IL22RA2: variants seen among roughly 807,000 people sequenced by gnomAD.
The protein encoded by IL22RA2 is interleukin 22 receptor subunit alpha 2.
Under a neutral mutation model 30.7 loss-of-function variants are expected in IL22RA2, and 39 were observed. That is an observed-to-expected ratio of 1.27 (90% CI 0.98 to 1.66). The LOEUF (loss-of-function observed/expected upper bound fraction) is 1.66. IL22RA2 is among the 40% of genes most tolerant of loss of function. The probability of loss-of-function intolerance (pLI) is 0.00; values close to 1 mark genes in which losing one functional copy is unlikely to be tolerated. For synonymous variants in IL22RA2, 103 were observed against 105.0 expected (o/e 0.98, Z 0.11); for missense variants, 315 against 312.7 (o/e 1.01, Z -0.05).
intron 3 of IL22RA2, among the ~76,000 whole-genome samples, chr6:137,157,158 G>T (rs1404956913): frequency 3.9e-5 from 6 of 152,248 alleles, no homozygotes; most frequent in Admixed American, 2.0e-4. Flanking sequence ...TTTAGGAAAA[G>T]ATTTATAAAT....
At chr6:137,154,215 G>T (rs569664028) in intron 5 of IL22RA2, among the ~76,000 whole-genome samples, 5 of 152,178 alleles carry the variant, frequency 3.3e-5, no homozygotes, top group Non-Finnish European at 5.9e-5. Context: ...GTGACTAAAA[G>T]TCTTAATTTC....
chr6:137,146,825 C>T (rs1778189618), intron 6 of IL22RA2, among the ~76,000 whole-genome samples: 1 of 150,302 alleles, frequency 6.7e-6, no homozygotes, highest in Admixed American at 6.6e-5. Context: ...AGAGCCTGTC[C>T]CTACTAAAAG....
chr6:137,161,836 A>G, intron 1 of IL22RA2, 22 bp from the exon 2 acceptor site: 2 of 1,007,398 alleles, frequency 2.0e-6, no homozygotes, highest in South Asian at 2.8e-5. Context: ...ACAAACAGAC[A>G]ATCACTCCCG....
chr6:137,156,992 C>T, intron 3 of IL22RA2, 138 bp from the exon 4 acceptor site: 2 of 1,216,668 alleles, frequency 1.6e-6, no homozygotes, highest in Non-Finnish European at 2.3e-6. Flanking sequence ...CACTCAACTG[C>T]AGCAATAATG....
At chr6:137,165,240 A>G (rs1032144173) in intron 1 of IL22RA2, among the ~76,000 whole-genome samples, 2 of 152,248 alleles carry the variant, frequency 1.3e-5, no homozygotes, top group African/African-American at 4.8e-5. Flanking sequence ...CAGAAGCCAG[A>G]TAAAAGTCCC....
At chr6:137,151,719 TA>T (rs1468595990) in intron 5 of IL22RA2, among the ~76,000 whole-genome samples, 2 of 152,164 alleles carry the variant, frequency 1.3e-5, no homozygotes, top group African/African-American at 4.8e-5. Flanking sequence ...AAGATTTGAT[TA>T]AATTTTTTAA....
At chr6:137,146,693 A>T (rs776317188) in intron 6 of IL22RA2, among the ~76,000 whole-genome samples, 20 of 152,204 alleles carry the variant, frequency 1.3e-4, no homozygotes, top group Non-Finnish European at 2.9e-4. Flanking sequence ...CCGATGGTGG[A>T]TTAGAATACC....
intron 6 of IL22RA2, among the ~76,000 whole-genome samples, chr6:137,146,963 C>T (rs2038610): frequency 0.15 from 23,150 of 151,658 alleles, 1,816 homozygotes; most frequent in East Asian, 0.17. Flanking sequence ...ACTGCTGCAC[C>T]CCAGCCTGGG....
At chr6:137,154,602 G>T (rs1007595829) in intron 5 of IL22RA2, among the ~76,000 whole-genome samples, 5 of 150,116 alleles carry the variant, frequency 3.3e-5, no homozygotes, top group African/African-American at 5.0e-5. Flanking sequence ...GTGACAAAGC[G>T]AGACCCTGTC....
intron 5 of IL22RA2, among the ~76,000 whole-genome samples, chr6:137,153,411 G>A (rs1778332533): frequency 6.6e-6 from 1 of 152,122 alleles, no homozygotes; most frequent in African/African-American, 2.4e-5. Context: ...TAAGCCTAGG[G>A]CCAATATATG....
chr6:137,154,344 G>C (rs190146740), intron 5 of IL22RA2, among the ~76,000 whole-genome samples: 2 of 152,182 alleles, frequency 1.3e-5, no homozygotes, highest in Non-Finnish European at 2.9e-5. Context: ...GCTGGGCATG[G>C]TGGCTCACAC....
At chr6:137,155,785 T>C (rs1363837478) in intron 4 of IL22RA2, among the ~76,000 whole-genome samples, 1 of 152,142 alleles carries the variant, frequency 6.6e-6, no homozygotes, top group Non-Finnish European at 1.5e-5. Context: ...CCCTGACGCT[T>C]TCTGTATCAC....
chr6:137,157,631 A>G (rs1778434049), intron 3 of IL22RA2, among the ~76,000 whole-genome samples: 2 of 152,076 alleles, frequency 1.3e-5, no homozygotes, highest in Non-Finnish European at 2.9e-5. Flanking sequence ...CTAAACTGTA[A>G]TATCTCCTGT....
Position 137,145,556 on chromosome 6 carries a change from A to C in IL22RA2, c.*68T>G, listed in dbSNP as rs1261163192. 2.8e-6 allele frequency: 4 copies of C among 1,424,958 alleles called. No homozygotes were observed. Among genetic ancestry groups the C allele is most frequent in the Non-Finnish European group, 3.8e-6 (4 of 1,046,594 alleles). 88.3% of individuals were successfully genotyped at this position (1,424,958 alleles called of 1,614,324 possible). ...AAAACAATTTTAAATAAGATCCTTC[A>C]AACACGAGTCATCCTGTTCTCAGGG... On this transcript the variant is annotated 3_prime_UTR_variant, in exon 7 of 7. Coordinates refer to ENST00000296980, the MANE Select transcript of IL22RA2 (RefSeq NM_052962.3).
chr6:137,156,622 T>C (rs986863353), intron 4 of IL22RA2, 137 bp downstream of exon 4: 5 of 1,159,330 alleles, frequency 4.3e-6, no homozygotes, highest in Middle Eastern at 2.8e-4. Context: ...AAATTTGTCT[T>C]GTGCTGTTGA....
intron 2 of IL22RA2, 97 bp from the exon 3 acceptor site, chr6:137,158,579 A>G: frequency 1.5e-6 from 2 of 1,293,502 alleles, no homozygotes; most frequent in Admixed American, 1.8e-5. Flanking sequence ...AGGATTCCCT[A>G]AAGTAGTTGC....
At chr6:137,170,486 A>G (rs1329779867) in intron 1 of IL22RA2, among the ~76,000 whole-genome samples, 1 of 152,202 alleles carries the variant, frequency 6.6e-6, no homozygotes, top group African/African-American at 2.4e-5. Context: ...GCAGGGTCAC[A>G]AGACTGATAA....
chr6:137,163,469 C>G (rs184374090), intron 1 of IL22RA2, among the ~76,000 whole-genome samples: 1 of 152,152 alleles, frequency 6.6e-6, no homozygotes, highest in African/African-American at 2.4e-5. Flanking sequence ...TTGGTGCCAC[C>G]GGGAGAGTTT....
chr6:137,161,802 A>G lies in IL22RA2; in HGVS notation c.-53T>C. The G allele has an allele frequency of 1.4e-6, 2 of 1,438,400 alleles. No homozygotes were observed. Among genetic ancestry groups the G allele is most frequent in the Non-Finnish European group, 1.9e-6 (2 of 1,027,618 alleles). The allele number at this position is 1,438,400 out of a possible 1,614,324, so 89.1% of individuals were successfully genotyped here. On this transcript the variant is annotated 5_prime_UTR_variant, in exon 2 of 7. Transcript: ENST00000296980. The stretch of plus-strand genomic sequence containing the variant: ...CAGTGTTCCTTTTAACCAGCTCAGG[A>G]CCAAAGAGGAAACTGTAAAATCCAC...
Sources: gnomAD v4.1 joint callset for allele counts (sites outside exome capture counted in the v4.1 genomes callset) on GRCh38, gnomAD v4.1.1 for gene constraint, MANE v1.5 for transcripts, NCBI Gene and HGNC (gene_info 2026-07-23, HGNC 2026-07-21) for gene names.